The following THRA variants were observed in gnomAD, a reference collection of about 807,000 sequenced individuals.
THRA encodes thyroid hormone receptor alpha.
In THRA, 13 loss-of-function variants were observed where a neutral mutation model predicts 45.0. That is an observed-to-expected ratio of 0.29 (90% CI 0.19 to 0.46). The LOEUF is 0.46. THRA is among the 20% of genes least tolerant of loss of function. THRA has a pLI of 1.00. For missense variants in THRA, 278 were observed against 556.1 expected, an observed-to-expected ratio of 0.50 and a Z score of 5.03; for synonymous variants, 195 against 214.0, an observed-to-expected ratio of 0.91 and a Z score of 0.78.
chr17:40,093,732 T>C (rs1248792744), downstream of THRA: 3 of 643,744 alleles, frequency 4.7e-6, no homozygotes, highest in Middle Eastern at 4.2e-4. This position sits in a 1 kb window ranked among gnomAD's most constrained non-coding sequence, Gnocchi z 5.9. Context: ...GTGACACTTA[T>C]CTCACTGTTT....
At chr17:40,093,816 G>GT, downstream of THRA, 3 of 1,124,200 alleles carry the variant, frequency 2.7e-6, no homozygotes, top group Non-Finnish European at 3.9e-6. The surrounding 1 kb of genome is among the most constrained non-coding windows in gnomAD (Gnocchi z 5.9). Flanking sequence ...CCAGTGCCCG[G>GT]TGCAGGGCCT....
rs533911795 is a variant in THRA at position 40,082,926 on chromosome 17, C to T, written c.223-909C>T. ...GATTACAGGCGCCCACCACCACGCC[C>T]GGGTAATTTTTTTTTTTTTTATACG... On this transcript the variant is annotated intron_variant, in intron 4 of 8. Transcript: ENST00000450525. 7.9e-3 allele frequency among the ~76,000 whole-genome samples: 1,187 copies of T among 150,152 alleles called. 10 individuals carry two copies. Among genetic ancestry groups the T allele is most frequent in the Middle Eastern group, 0.024 (7 of 292 alleles).
chr17:40,070,696 C>T (rs1457323141), intron 1 of THRA, among the ~76,000 whole-genome samples: 1 of 152,066 alleles, frequency 6.6e-6, no homozygotes, highest in African/African-American at 2.4e-5. Context: ...TCTCCCCCCA[C>T]CCTAGCAGCA....
intron 4 of THRA, 118 bp from the exon 5 acceptor site, chr17:40,083,717 C>G: frequency 7.5e-7 from 1 of 1,332,670 alleles, no homozygotes; most frequent in Non-Finnish European, 1.0e-6. Flanking sequence ...GATGCCAGGT[C>G]CCCTCACTGA....
At chr17:40,087,367 C>T (rs1987365126) in intron 7 of THRA, among the ~76,000 whole-genome samples, 1 of 145,438 alleles carries the variant, frequency 6.9e-6, no homozygotes, top group East Asian at 2.1e-4. Flanking sequence ...TACATAGACA[C>T]ACACCTAGCA....
rs111343510 is a variant in THRA, at chr17:40,071,822, G to A, written c.-297-2370G>A. Reference sequence around the variant, plus strand: ...CCCCACATGCTGGGCCCTCTGCCTCGCCTCTGTATCACCCCAAAGGCCCAA... The same window carrying A: ...CCCCACATGCTGGGCCCTCTGCCTCACCTCTGTATCACCCCAAAGGCCCAA... On this transcript the variant is annotated intron_variant, in intron 1 of 8. Coordinates refer to ENST00000450525, the MANE Select transcript of THRA (RefSeq NM_199334.5). Among the ~76,000 whole-genome samples, 629 of 152,236 alleles carry A rather than the reference G, an allele frequency of 4.1e-3. 6 individuals are homozygous for A. The highest frequency in any genetic ancestry group is 0.014 in the African/African-American group (600 of 41,516).
At chr17:40,067,998 C>T (rs1986632310) in intron 1 of THRA, among the ~76,000 whole-genome samples, 1 of 152,190 alleles carries the variant, frequency 6.6e-6, no homozygotes, top group South Asian at 2.1e-4. Context: ...CTAGCCTGAA[C>T]AACAGAGTGA....
chr17:40,077,664 T>C (rs568158471), intron 4 of THRA, 56 bp downstream of exon 4: 2 of 1,413,038 alleles, frequency 1.4e-6, no homozygotes, highest in South Asian at 2.4e-5. Context: ...TATTACTCCC[T>C]ATGTCACCTA....
chr17:40,087,149 CACAA>C (rs1314440665), intron 7 of THRA: 3 of 371,348 alleles, frequency 8.1e-6, no homozygotes, highest in South Asian at 2.9e-5. Context: ...ACACCTAGTA[CACAA>C]ACACACACAC....
At chr17:40,081,610 G>GA (rs1987138652) in intron 4 of THRA, among the ~76,000 whole-genome samples, 1 of 152,016 alleles carries the variant, frequency 6.6e-6, no homozygotes, top group South Asian at 2.1e-4. Context: ...TTGTAAACAT[G>GA]AAAAAATACT....
intron 1 of THRA, among the ~76,000 whole-genome samples, chr17:40,071,468 C>G (rs1027595550): frequency 6.6e-6 from 1 of 152,212 alleles, no homozygotes; most frequent in Admixed American, 6.5e-5. Flanking sequence ...AAATGCTTCC[C>G]CCTCCACGGG....
At chr17:40,070,813 GC>G (rs955659515) in intron 1 of THRA, among the ~76,000 whole-genome samples, 2 of 150,654 alleles carry the variant, frequency 1.3e-5, no homozygotes, top group African/African-American at 4.9e-5. Flanking sequence ...CCATTCCTAC[GC>G]CCCCCTCCCC....
chr17:40,073,010 G>C (rs2145053110), intron 1 of THRA, among the ~76,000 whole-genome samples: 1 of 152,328 alleles, frequency 6.6e-6, no homozygotes, highest in Admixed American at 6.5e-5. Context: ...CTACCAGCTT[G>C]CCTGGGTGCA....
intron 3 of THRA, 46 bp from the exon 4 acceptor site, chr17:40,077,462 G>A (rs1461300042): frequency 6.4e-7 from 1 of 1,554,898 alleles, no homozygotes; most frequent in Non-Finnish European, 8.9e-7. Context: ...TCTCTGCTGG[G>A]ACTCCAAGCC....
Position 40,074,412 on chromosome 17 carries a change from G to GGGTGTGCCGGGGGGGCC in THRA, c.-76_-60dup, listed in dbSNP as rs1986880071. 2 of 1,545,312 alleles carry GGGTGTGCCGGGGGGGCC rather than the reference G, an allele frequency of 1.3e-6. No individual in the cohort carries two copies. The highest frequency in any genetic ancestry group is 4.5e-5 in the East Asian group (2 of 44,346). ...GGGTGGCAGGGGGTGGGTGGCCTGT[G>GGGTGTGCCGGGGGGGCC]GGTGTGCCGGGGGGGCCAGTGTGCC... On this transcript the variant is annotated 5_prime_UTR_variant, in exon 2 of 9. Coordinates refer to ENST00000450525, the MANE Select transcript of THRA (RefSeq NM_199334.5).
rs1265039571 is a variant in THRA, at chr17:40,089,543, C to T, written c.*87C>T. The T allele has an allele frequency of 6.6e-7, 1 of 1,519,952 alleles. No individual in the cohort carries two copies. The highest frequency in any genetic ancestry group is 2.4e-5 in the East Asian group (1 of 42,102). The allele number at this position is 1,519,952 out of a possible 1,614,324, so 94.2% of individuals were successfully genotyped here. ...AGCTGGGGGCTGAGGGAGACCCCCC[C>T]ACACCCCTTCTCTCCTTCCTCTCGT... On this transcript the variant is annotated 3_prime_UTR_variant, in exon 9 of 9. Coordinates refer to ENST00000450525, the MANE Select transcript of THRA (RefSeq NM_199334.5). This position sits in a 1 kb window ranked among gnomAD's most constrained non-coding sequence, Gnocchi z 6.1.
intron 7 of THRA, among the ~76,000 whole-genome samples, chr17:40,087,288 GACAC>G (rs749783417): frequency 3.5e-4 from 39 of 110,524 alleles, no homozygotes; most frequent in Non-Finnish European, 4.7e-4. Context: ...CAGATACATA[GACAC>G]ACACACACAG....
intron 6 of THRA, 102 bp downstream of exon 6, chr17:40,084,917 CA>C: frequency 7.7e-7 from 1 of 1,305,698 alleles, no homozygotes; most frequent in Non-Finnish European, 1.1e-6. Context: ...TAGTGTAATC[CA>C]ACCCAAAATA....
Position 40,089,140 on chromosome 17 carries a change from C to A in THRA, c.983-66C>A. The A allele has an allele frequency of 6.5e-7, 1 of 1,527,824 alleles. No homozygotes were observed. The highest frequency in any genetic ancestry group is 1.4e-5 in the African/African-American group (1 of 73,516). The allele number at this position is 1,527,824 out of a possible 1,614,324, so 94.6% of individuals were successfully genotyped here. A position where few individuals can be genotyped will look rare whatever the true frequency, so the allele number is the denominator to read the frequency against. The stretch of plus-strand genomic sequence containing the variant: ...AGTCCTTTCTTCCCACGTCCCCACA[C>A]CTCACCCTCCCCATCTCCAGGCCTT... On this transcript the variant is annotated intron_variant, in intron 8 of 8. Transcript: ENST00000450525. The surrounding 1 kb of genome is among the most constrained non-coding windows in gnomAD (Gnocchi z 6.1).
Sources: allele counts gnomAD v4.1 joint callset (sites outside exome capture counted in the v4.1 genomes callset), GRCh38; gene constraint gnomAD v4.1.1; non-coding constraint Gnocchi (gnomAD v3.1); transcripts MANE v1.5; gene names NCBI Gene and HGNC (gene_info 2026-07-23, HGNC 2026-07-21).